Variants in INSYN2B observed in about 807,000 individuals in gnomAD.
The protein encoded by INSYN2B is inhibitory synaptic factor family member 2B.
Under a neutral mutation model 41.2 loss-of-function variants are expected in INSYN2B, and 16 were observed. The observed-to-expected ratio is 0.39, with a 90% confidence interval of 0.26 to 0.59. The LOEUF (loss-of-function observed/expected upper bound fraction) is 0.59. Among genes scored for constraint, INSYN2B ranks in the 20% least tolerant of loss-of-function variants. The pLI, the probability that INSYN2B is intolerant of heterozygous loss-of-function variation, is 0.57. For synonymous variants in INSYN2B, 245 were observed against 244.4 expected (o/e 1.00, Z -0.02); for missense variants, 608 against 646.4 (o/e 0.94, Z 0.64).
intron 1 of INSYN2B, among the ~76,000 whole-genome samples, chr5:169,898,269 G>A (rs1427265133): frequency 6.6e-6 from 1 of 152,152 alleles, no homozygotes; most frequent in Admixed American, 6.5e-5. Context: ...CTTTCTCATG[G>A]GGGCTCCGCT....
chr5:169,931,463 G>T (rs1775750076), intron 1 of INSYN2B, among the ~76,000 whole-genome samples: 1 of 152,198 alleles, frequency 6.6e-6, no homozygotes, highest in South Asian at 2.1e-4. Flanking sequence ...CTATCCAAGT[G>T]CACTAAGTTC....
chr5:169,877,118 G>C (rs1561787776), intron 3 of INSYN2B, among the ~76,000 whole-genome samples: 1 of 152,302 alleles, frequency 6.6e-6, no homozygotes, highest in East Asian at 1.9e-4. Flanking sequence ...TCCACACAAA[G>C]CAGGGCAGAA....
intron 3 of INSYN2B, among the ~76,000 whole-genome samples, chr5:169,878,291 T>C (rs1156462788): frequency 6.6e-6 from 1 of 151,986 alleles, no homozygotes; most frequent in Non-Finnish European, 1.5e-5. Context: ...TTTTGCAAGA[T>C]TCCCCATACC....
rs1772761590 is a variant in INSYN2B, at chr5:169,883,142, C to T, written c.757G>A (p.Glu253Lys). 2 of 1,551,618 alleles carry T rather than the reference C, an allele frequency of 1.3e-6. No individual in the cohort carries two copies. Among genetic ancestry groups the T allele is most frequent in the South Asian group, 2.4e-5 (2 of 84,046 alleles). Residue 253 changes from glutamate to lysine, a missense_variant, in exon 2 of 4, where the codon GAA (glutamate) becomes AAA (lysine). Coordinates refer to ENST00000377365, the MANE Select transcript of INSYN2B (RefSeq NM_001129891.3). ...GCATTTAAGCAGGAGGTGGATTTTT[C>T]TGAATCTAGTGGAGTCACCCTTCTC... ...DGRRVTPLDS[E>K]KSTSCLNATS...
chr5:169,942,560 C>T (rs915852174), intron 1 of INSYN2B, among the ~76,000 whole-genome samples: 8 of 152,176 alleles, frequency 5.3e-5, no homozygotes, highest in Non-Finnish European at 8.8e-5. Flanking sequence ...TGTAATTTTC[C>T]CTCCCAAGTT....
chr5:169,976,984 T>C (rs1777738720), intron 1 of INSYN2B, among the ~76,000 whole-genome samples: 1 of 152,236 alleles, frequency 6.6e-6, no homozygotes, highest in South Asian at 2.1e-4. Flanking sequence ...ATTCAGTTTA[T>C]TCTATTGCAC....
At chr5:169,915,219 C>T (rs1774810527) in intron 1 of INSYN2B, among the ~76,000 whole-genome samples, 1 of 152,126 alleles carries the variant, frequency 6.6e-6, no homozygotes, top group African/African-American at 2.4e-5. Flanking sequence ...AAGGAGAGAA[C>T]TTTCGGGTAA....
chr5:169,876,399 C>A (rs1371033673), intron 3 of INSYN2B, among the ~76,000 whole-genome samples: 1 of 152,220 alleles, frequency 6.6e-6, no homozygotes, highest in Non-Finnish European at 1.5e-5. Context: ...TGTTCTAACT[C>A]ATTCTCCCAA....
chr5:169,950,875 C>T (rs1167946187), intron 1 of INSYN2B, among the ~76,000 whole-genome samples: 5 of 152,306 alleles, frequency 3.3e-5, no homozygotes, highest in East Asian at 1.9e-4. Context: ...TGGCAGCCCA[C>T]GGGGCAGATG....
In INSYN2B at chr5:169,947,408, T is replaced by C. The variant is rs116361603; in HGVS notation, c.-919+32869A>G. ...AGGCACTGGGCTGCATGCTTTCTCA[T>C]CCATTATTCTGATCCCAACCCTCCA... On this transcript the variant is annotated intron_variant, in intron 1 of 3. Transcript: ENST00000377365. Among the ~76,000 whole-genome samples, 899 of 152,294 alleles carry C rather than the reference T, an allele frequency of 5.9e-3. 11 individuals are homozygous for C. Among genetic ancestry groups the C allele is most frequent in the African/African-American group, 0.02 (823 of 41,560 alleles).
chr5:169,909,504 G>C lies in INSYN2B; in HGVS notation c.-918-24688C>G, dbSNP rs180999292. On this transcript the variant is annotated intron_variant, in intron 1 of 3. Transcript: ENST00000377365. The stretch of plus-strand genomic sequence containing the variant: ...TGGATTCACACTCCATCAGGTACCA[G>C]AGTGGGAATATTTCCCTGTGCTTAT... 7.2e-5 allele frequency among the ~76,000 whole-genome samples: 11 copies of C among 152,336 alleles called. No individual in the cohort carries two copies. The East Asian group carries it at 2.1e-3, about 29-fold the overall frequency.
intron 1 of INSYN2B, among the ~76,000 whole-genome samples, chr5:169,943,641 C>T (rs1030739522): frequency 7.9e-5 from 12 of 152,176 alleles, no homozygotes; most frequent in Non-Finnish European, 1.6e-4. Flanking sequence ...CCTCATCAGG[C>T]ATTAGAGTTT....
At chr5:169,939,181 G>A (rs1409715897) in intron 1 of INSYN2B, among the ~76,000 whole-genome samples, 1 of 151,432 alleles carries the variant, frequency 6.6e-6, no homozygotes, top group South Asian at 2.1e-4. Flanking sequence ...TGGGATTACA[G>A]GCGTGAGCCA....
At chr5:169,887,634 A>C (rs982391768) in intron 1 of INSYN2B, among the ~76,000 whole-genome samples, 3 of 152,228 alleles carry the variant, frequency 2.0e-5, no homozygotes, top group African/African-American at 7.2e-5. Context: ...ATTTTTGTGG[A>C]TATTTAGGTT....
intron 1 of INSYN2B, among the ~76,000 whole-genome samples, chr5:169,956,752 C>T (rs1225448451): frequency 6.6e-5 from 10 of 152,016 alleles, no homozygotes; most frequent in African/African-American, 2.4e-4. Flanking sequence ...GTGAAGTTTC[C>T]CTAGCTGGAT....
chr5:169,975,831 G>A (rs1777698670), intron 1 of INSYN2B, among the ~76,000 whole-genome samples: 1 of 152,178 alleles, frequency 6.6e-6, no homozygotes. Flanking sequence ...TAAGAACAAA[G>A]CCTTTGGTAA....
At chr5:169,934,858 C>T (rs1775917392) in intron 1 of INSYN2B, 1 of 378,652 alleles carries the variant, frequency 2.6e-6, no homozygotes, top group Non-Finnish European at 5.3e-6. Context: ...AAGCATTATA[C>T]ATTGCCAAAA....
intron 1 of INSYN2B, chr5:169,934,571 A>G (rs1561836002): frequency 4.4e-6 from 2 of 452,012 alleles, no homozygotes; most frequent in Non-Finnish European, 8.9e-6. Flanking sequence ...ACCTGGATCT[A>G]AATCCTGCTC....
intron 1 of INSYN2B, among the ~76,000 whole-genome samples, chr5:169,979,082 A>T (rs1777844890): frequency 6.6e-6 from 1 of 152,148 alleles, no homozygotes; most frequent in Non-Finnish European, 1.5e-5. Context: ...AAATATGTCG[A>T]TTACAGAATT....
Sources: allele counts gnomAD v4.1 joint callset (sites outside exome capture counted in the v4.1 genomes callset), GRCh38; gene constraint gnomAD v4.1.1; transcripts MANE v1.5; gene names NCBI Gene and HGNC (gene_info 2026-07-23, HGNC 2026-07-21).